The following CDK12 variants were observed in gnomAD, a reference collection of about 807,000 sequenced individuals.
CDK12 encodes cyclin-dependent kinase 12.
CDK12 carries 17 observed loss-of-function variants against 133.8 expected under a neutral mutation model. The ratio of observed to expected loss-of-function variants is 0.13; its 90% CI spans 0.09 to 0.19. The LOEUF (loss-of-function observed/expected upper bound fraction) is 0.19, where lower values mean the gene tolerates loss of function less well. Ranked by LOEUF, CDK12 falls within the 10% of genes least tolerant of loss-of-function variation. The pLI is 1.00. For missense variants in CDK12, 1,508 were observed against 1,818.7 expected (o/e 0.83, Z 3.11); for synonymous variants, 694 against 683.6 (o/e 1.02, Z -0.24).
rs746954910 is a variant in CDK12 at position 39,517,422 on chromosome 17, C to A, written c.2847-18C>A. On this transcript the variant is annotated intron_variant, in intron 9 of 13. Coordinates refer to ENST00000447079, the MANE Select transcript of CDK12 (RefSeq NM_016507.4). ...TGACTCACTCACTCCATTGTTCTTG[C>A]TTTTGCTTTGTTTTCAGCCGACTTT... 2.7e-6 allele frequency: 4 copies of A among 1,480,894 alleles called. No individual in the cohort carries two copies. In the East Asian group the frequency reaches 9.0e-5, roughly 33 times the overall value. 91.7% of individuals were successfully genotyped at this position (1,480,894 alleles called of 1,614,324 possible). A position where few individuals can be genotyped will look rare whatever the true frequency, so the allele number is the denominator to read the frequency against.
At chr17:39,529,831 A>G (rs987312451) in intron 13 of CDK12, 2 of 151,866 alleles carry the variant, frequency 1.3e-5, no homozygotes, top group Non-Finnish European at 2.9e-5. Context: ...ATGTTTATCA[A>G]CAGTTCATTC....
chr17:39,522,103 GT>G (rs930326816), intron 11 of CDK12, among the ~76,000 whole-genome samples: 2 of 151,526 alleles, frequency 1.3e-5, no homozygotes, highest in African/African-American at 2.4e-5. Flanking sequence ...GTTTTTTGGG[GT>G]TTTTTTTGTT....
chr17:39,496,701 C>CAA (rs578139577), intron 5 of CDK12, among the ~76,000 whole-genome samples: 1 of 150,326 alleles, frequency 6.7e-6, no homozygotes, highest in East Asian at 1.9e-4. Context: ...AACTCTGTCT[C>CAA]AAAAAAAAAT....
At chr17:39,512,868 G>T (rs1178910542) in intron 8 of CDK12, among the ~76,000 whole-genome samples, 2 of 152,142 alleles carry the variant, frequency 1.3e-5, no homozygotes, top group East Asian at 1.9e-4. Flanking sequence ...AAATGTTTTT[G>T]TTTTTTGGTT....
At chr17:39,522,839 G>A in intron 11 of CDK12, among the ~76,000 whole-genome samples, 1 of 151,950 alleles carries the variant, frequency 6.6e-6, no homozygotes, top group Middle Eastern at 3.2e-3. Flanking sequence ...GATCACCTGA[G>A]GTCAGGAGTT....
At chr17:39,477,079 G>A (rs2145400146) in intron 2 of CDK12, among the ~76,000 whole-genome samples, 1 of 149,218 alleles carries the variant, frequency 6.7e-6, no homozygotes, top group Admixed American at 6.7e-5. Flanking sequence ...GGAGTGCAGT[G>A]GTGCCATCTT....
intron 10 of CDK12, among the ~76,000 whole-genome samples, chr17:39,518,546 C>T (rs1353908604): frequency 1.3e-5 from 2 of 151,948 alleles, no homozygotes; most frequent in Non-Finnish European, 2.9e-5. Context: ...TTTTATTTTA[C>T]TTTTTTTAAC....
chr17:39,539,801 TAAA>T (rs2055325175), intron 1 of CDK12, among the ~76,000 whole-genome samples: 1 of 151,902 alleles, frequency 6.6e-6, no homozygotes, highest in Non-Finnish European at 1.5e-5. Flanking sequence ...TATTTGAAAA[TAAA>T]GAAGATAGGG....
chr17:39,526,978 C>T (rs3889368), intron 13 of CDK12, among the ~76,000 whole-genome samples: 92,309 of 152,066 alleles, frequency 0.61, 31,669 homozygotes, highest in South Asian at 0.88. Flanking sequence ...ATAAGTTATA[C>T]GTTAATCTCA....
downstream of CDK12, among the ~76,000 whole-genome samples, chr17:39,566,680 GC>G (rs2144756709): frequency 6.6e-6 from 1 of 152,216 alleles, no homozygotes; most frequent in East Asian, 1.9e-4. Context: ...TGGGTGGGCA[GC>G]CCCCCTCCCC....
downstream of CDK12, among the ~76,000 whole-genome samples, chr17:39,565,590 C>T (rs1222219362): frequency 6.6e-6 from 1 of 152,098 alleles, no homozygotes. Flanking sequence ...TGCACCACCA[C>T]GCCCAGCTAA....
Position 39,462,465 on chromosome 17 carries a change from A to G in CDK12, c.394A>G (p.Lys132Glu). 3 of 1,614,096 alleles carry G rather than the reference A, an allele frequency of 1.9e-6. No individual in the cohort carries two copies. Among genetic ancestry groups the G allele is most frequent in the Non-Finnish European group, 2.5e-6 (3 of 1,180,038 alleles). The change falls in exon 1 of 14, where the codon AAA becomes GAA. Residue 132 changes from lysine (K) to glutamate (E), a missense_variant. Lys to Glu is a moderately conservative substitution (Grantham distance 56, BLOSUM62 1). Transcript: ENST00000447079. ...LLKAKQTEKE[K>E]SQEVSSKSGS... ...AAAAGCTAAACAGACCGAAAAAGAA[A>G]AAAGCCAAGAAGTCTCCAGCAAGTC...
intron 2 of CDK12, among the ~76,000 whole-genome samples, chr17:39,477,936 G>C (rs114636938): frequency 1.3e-3 from 195 of 151,728 alleles, no homozygotes; most frequent in African/African-American, 4.6e-3. Context: ...TTGAACTCCT[G>C]ACTTCGGGGT....
chr17:39,541,167 G>A (rs2055392126), intron 1 of CDK12, among the ~76,000 whole-genome samples: 1 of 146,994 alleles, frequency 6.8e-6, no homozygotes, highest in African/African-American at 2.5e-5. Flanking sequence ...ACACAGTTGA[G>A]TTGGATTAGC....
intron 10 of CDK12, among the ~76,000 whole-genome samples, chr17:39,519,706 C>T (rs1351037221): frequency 1.3e-5 from 2 of 151,694 alleles, no homozygotes; most frequent in East Asian, 1.9e-4. Flanking sequence ...TTTCCAATGT[C>T]AGCCTCCCAA....
chr17:39,499,768 C>T (rs2052583215), intron 5 of CDK12, among the ~76,000 whole-genome samples: 1 of 152,104 alleles, frequency 6.6e-6, no homozygotes, highest in African/African-American at 2.4e-5. Context: ...TCTGCCTTGG[C>T]CTCCCAAAGT....
At chr17:39,547,575 C>T (rs753860873), upstream of CDK12, among the ~76,000 whole-genome samples, 6 of 152,190 alleles carry the variant, frequency 3.9e-5, no homozygotes, top group Non-Finnish European at 5.9e-5. Context: ...TGTCCATACT[C>T]ATTCCCAGAT....
At chr17:39,506,008 A>G (rs1205971265) in intron 6 of CDK12, among the ~76,000 whole-genome samples, 1 of 152,106 alleles carries the variant, frequency 6.6e-6, no homozygotes, top group Non-Finnish European at 1.5e-5. Flanking sequence ...TTTTTCACTG[A>G]AAAAGGTCAT....
In CDK12 at chr17:39,530,679, C is replaced by T. The variant is rs2146829479; in HGVS notation, c.3836C>T (p.Pro1279Leu). The change falls in exon 14 of 14, where the codon CCC becomes CTC. Residue 1279 changes from proline to leucine, a missense_variant. Transcript: ENST00000447079. ...PPGPPPPPPP[P>L]PLVEGDLSSA... ...GGACCTCCACCGCCGCCACCTCCAC[C>T]CCCTCTGGTTGAAGGCGATCTTTCC... 4 of 1,613,640 alleles carry T rather than the reference C, an allele frequency of 2.5e-6. No individual in the cohort carries two copies. The highest frequency in any genetic ancestry group is 3.4e-6 in the Non-Finnish European group (4 of 1,179,718).
Sources: allele counts gnomAD v4.1 joint callset (sites outside exome capture counted in the v4.1 genomes callset), GRCh38; gene constraint gnomAD v4.1.1; transcripts MANE v1.5; gene names NCBI Gene and HGNC (gene_info 2026-07-23, HGNC 2026-07-21).